STK32B: variants seen among roughly 807,000 people sequenced by gnomAD.
STK32B encodes serine/threonine-protein kinase 32B.
A neutral mutation model predicts 52.6 loss-of-function variants in STK32B; 43 were observed. The observed-to-expected ratio is 0.82, with a 90% CI of 0.64 to 1.05. The LOEUF (loss-of-function observed/expected upper bound fraction) is 1.05, where lower values mean the gene tolerates loss of function less well. STK32B is among the 50% of genes least tolerant of loss of function. The pLI, the probability that STK32B is intolerant of heterozygous loss-of-function variation, is 0.00. For synonymous variants in STK32B, 238 were observed against 204.3 expected (o/e 1.17, Z -1.41); for missense variants, 621 against 534.6 (o/e 1.16, Z -1.59).
At chr4:5,295,404 G>A (rs1729133401) in intron 3 of STK32B, among the ~76,000 whole-genome samples, 1 of 151,412 alleles carries the variant, frequency 6.6e-6, no homozygotes, top group African/African-American at 2.4e-5. Flanking sequence ...ATATGGTCCT[G>A]GACATTTTTT....
chr4:5,179,120 C>A (rs189855242), intron 3 of STK32B, among the ~76,000 whole-genome samples: 20 of 152,348 alleles, frequency 1.3e-4, no homozygotes, highest in African/African-American at 4.6e-4. Context: ...AGGAAACTTA[C>A]AATCATTGCA....
chr4:5,304,100 G>C (rs1729755569), intron 3 of STK32B, among the ~76,000 whole-genome samples: 1 of 152,060 alleles, frequency 6.6e-6, no homozygotes, highest in Non-Finnish European at 1.5e-5. Context: ...ATAGTATGAA[G>C]TCAGATAATG....
Position 5,284,675 on chromosome 4 carries a change from A to C in STK32B, c.261-46545A>C, listed in dbSNP as rs1728432126. On this transcript the variant is annotated intron_variant, in intron 3 of 11. Coordinates refer to ENST00000282908, the MANE Select transcript of STK32B (RefSeq NM_018401.3). ...TAACACATACTGTATGACGGTAATA[A>C]TTTTACAGCCACCTTCTGTTGCCAA... 2.0e-5 allele frequency among the ~76,000 whole-genome samples: 3 copies of C among 152,296 alleles called. No homozygotes were observed. In the South Asian group the frequency reaches 6.2e-4, roughly 32 times the overall value.
chr4:5,300,434 C>A lies in STK32B; in HGVS notation c.261-30786C>A, dbSNP rs182576042. ...ATAGTACTGGAAGTTCCAGCCAGAG[C>A]AATCAGGCAAGAGAATGAAAGAAAA... On this transcript the variant is annotated intron_variant, in intron 3 of 11. Transcript: ENST00000282908. 1.2e-4 allele frequency among the ~76,000 whole-genome samples: 18 copies of A among 152,130 alleles called. No homozygotes were observed. The East Asian group carries it at 3.5e-3, about 29-fold the overall frequency.
chr4:5,319,257 G>A (rs867845492), intron 3 of STK32B, among the ~76,000 whole-genome samples: 2 of 152,150 alleles, frequency 1.3e-5, no homozygotes, highest in Non-Finnish European at 2.9e-5. Flanking sequence ...CAGAACCTAG[G>A]ACTTTGCCTC....
chr4:5,122,814 C>G (rs116539468), intron 1 of STK32B, among the ~76,000 whole-genome samples: 2 of 152,316 alleles, frequency 1.3e-5, no homozygotes, highest in African/African-American at 4.8e-5. Context: ...CCTTGCTGCA[C>G]TCTCCTGCCT....
rs562837466 is a variant in STK32B at position 5,180,334 on chromosome 4, G to A, written c.260+11884G>A. Among the ~76,000 whole-genome samples, 24 of 152,338 alleles carry A rather than the reference G, an allele frequency of 1.6e-4. No individual in the cohort carries two copies. The South Asian group carries it at 3.5e-3, about 22-fold the overall frequency. On this transcript the variant is annotated intron_variant, in intron 3 of 11. Coordinates refer to ENST00000282908, the MANE Select transcript of STK32B (RefSeq NM_018401.3). Reference sequence around the variant, plus strand: ...CTGGGCACTTGATATGTGTCTTACTGAACTTCTTTAATTCTCCCAACAGCT... The same window carrying A: ...CTGGGCACTTGATATGTGTCTTACTAAACTTCTTTAATTCTCCCAACAGCT...
At chr4:5,293,352 C>A (rs9993456) in intron 3 of STK32B, among the ~76,000 whole-genome samples, 1 of 151,834 alleles carries the variant, frequency 6.6e-6, no homozygotes, top group South Asian at 2.1e-4. Context: ...CTAGATCCTT[C>A]AGGAATCTCC....
intron 6 of STK32B, among the ~76,000 whole-genome samples, chr4:5,418,443 C>T (rs558997039): frequency 6.6e-6 from 1 of 152,234 alleles, no homozygotes; most frequent in Non-Finnish European, 1.5e-5. Flanking sequence ...AAAATGTAAT[C>T]AGTGCTGCAC....
intron 3 of STK32B, among the ~76,000 whole-genome samples, chr4:5,235,197 G>A (rs917167024): frequency 1.3e-5 from 2 of 152,194 alleles, no homozygotes; most frequent in Non-Finnish European, 2.9e-5. Context: ...TCTATAAAAT[G>A]GTGATTGCAC....
rs545437436 is a variant in STK32B, at chr4:5,268,242, G to T, written c.261-62978G>T. 9.9e-4 allele frequency among the ~76,000 whole-genome samples: 150 copies of T among 152,232 alleles called. 1 individual carries two copies. Among genetic ancestry groups the T allele is most frequent in the African/African-American group, 3.4e-3 (140 of 41,536 alleles). On this transcript the variant is annotated intron_variant, in intron 3 of 11. Transcript: ENST00000282908. ...CATACCTTTTTCTCTGAGGTGGAAGGTTCAAGCAATCTAACCCCTGCTTCT... is the reference window on the plus strand; with the variant it reads ...CATACCTTTTTCTCTGAGGTGGAAGTTTCAAGCAATCTAACCCCTGCTTCT...
At chr4:5,109,298 T>TCATG (rs1714267216) in intron 1 of STK32B, among the ~76,000 whole-genome samples, 1 of 152,228 alleles carries the variant, frequency 6.6e-6, no homozygotes, top group Non-Finnish European at 1.5e-5. Context: ...ATTCATTCAT[T>TCATG]CATGTATTCA....
At chr4:5,120,392 A>G (rs148393276) in intron 1 of STK32B, among the ~76,000 whole-genome samples, 27 of 152,294 alleles carry the variant, frequency 1.8e-4, no homozygotes, top group African/African-American at 6.5e-4. Context: ...GCATCACAAG[A>G]AGAGATTTTG....
At chr4:5,282,238 A>G (rs1728246117) in intron 3 of STK32B, among the ~76,000 whole-genome samples, 1 of 152,160 alleles carries the variant, frequency 6.6e-6, no homozygotes, top group Non-Finnish European at 1.5e-5. Flanking sequence ...TTTTACCTAT[A>G]CATGAAACTG....
chr4:5,484,512 A>G (rs1462500980), intron 11 of STK32B, among the ~76,000 whole-genome samples: 1 of 152,184 alleles, frequency 6.6e-6, no homozygotes, highest in African/African-American at 2.4e-5. Flanking sequence ...TCCTGAATAC[A>G]GCACACGGAT....
chr4:5,170,625 C>T (rs557272581), intron 3 of STK32B, among the ~76,000 whole-genome samples: 1 of 152,202 alleles, frequency 6.6e-6, no homozygotes, highest in Non-Finnish European at 1.5e-5. Context: ...CATGTCCCTA[C>T]AAAGGACATG....
At chr4:5,054,100 G>A (rs1399117043) in intron 1 of STK32B, among the ~76,000 whole-genome samples, 2 of 152,130 alleles carry the variant, frequency 1.3e-5, no homozygotes, top group African/African-American at 2.4e-5. Flanking sequence ...TCTCTCACAC[G>A]TTTCCTAGTA....
intron 1 of STK32B, among the ~76,000 whole-genome samples, chr4:5,079,322 T>C (rs1449275697): frequency 6.6e-6 from 1 of 152,194 alleles, no homozygotes; most frequent in Admixed American, 6.5e-5. Context: ...AGAATAAATT[T>C]ATTGAAGGAA....
intron 5 of STK32B, among the ~76,000 whole-genome samples, chr4:5,404,935 C>T (rs369760288): frequency 7.6e-5 from 11 of 144,072 alleles, no homozygotes; most frequent in African/African-American, 2.6e-4. Context: ...GGTGCCATCT[C>T]GGCTCACTGC....
Sources: gnomAD v4.1 joint callset for allele counts (sites outside exome capture counted in the v4.1 genomes callset) on GRCh38, gnomAD v4.1.1 for gene constraint, MANE v1.5 for transcripts, NCBI Gene and HGNC (gene_info 2026-07-23, HGNC 2026-07-21) for gene names.